Variants in TTC3 observed in about 807,000 individuals in gnomAD.
TTC3 encodes the protein tetratricopeptide repeat domain 3.
In TTC3, 180 loss-of-function variants were observed where a neutral mutation model predicts 249.6. The ratio of observed to expected loss-of-function variants is 0.72; its 90% CI spans 0.64 to 0.82. The LOEUF (loss-of-function observed/expected upper bound fraction) is 0.82. Among genes scored for constraint, TTC3 ranks in the 40% least tolerant of loss-of-function variants. The probability of loss-of-function intolerance (pLI) is 0.00; values close to 1 mark genes in which losing one functional copy is unlikely to be tolerated. For synonymous variants in TTC3, 717 were observed against 805.0 expected (o/e 0.89, Z 1.85); for missense variants, 2,061 against 2,398.4 (o/e 0.86, Z 2.94).
intron 10 of TTC3, among the ~76,000 whole-genome samples, chr21:37,100,151 G>A (rs982801380): frequency 6.6e-6 from 1 of 152,160 alleles, no homozygotes; most frequent in African/African-American, 2.4e-5. Flanking sequence ...GTTGGGAGGG[G>A]TGGTACACGG....
In TTC3 at chr21:37,197,989, C is replaced by A. The variant is rs771388886; in HGVS notation, c.5814C>A (p.Thr1938=). ...TGGTTGTTGCACCATCACCCAAAACCAAGGGGCAGAAAGCAGAAGATGTCC... is the reference window on the plus strand; with the variant it reads ...TGGTTGTTGCACCATCACCCAAAACAAAGGGGCAGAAAGCAGAAGATGTCC... Residue 1938 remains threonine, a synonymous_variant, in exon 44 of 46, where the codon ACC becomes ACA. Coordinates refer to ENST00000355666, the Ensembl canonical transcript of TTC3. 3 of 1,613,628 alleles carry A rather than the reference C, an allele frequency of 1.9e-6. No individual in the cohort carries two copies. The African/African-American group carries it at 4.0e-5, about 22-fold the overall frequency.
chr21:37,119,114 T>C (rs775893179), intron 11 of TTC3, among the ~76,000 whole-genome samples: 3 of 152,196 alleles, frequency 2.0e-5, no homozygotes, highest in Admixed American at 6.5e-5. Context: ...TTTTACCTTG[T>C]TTGGTGCTGG....
intron 18 of TTC3, among the ~76,000 whole-genome samples, chr21:37,138,103 A>G (rs1272619513): frequency 6.6e-6 from 1 of 152,240 alleles, no homozygotes; most frequent in Non-Finnish European, 1.5e-5. Flanking sequence ...ATTTGTAGCA[A>G]TAAAGTCTTA....
chr21:37,112,418 C>T (rs368177122), intron 11 of TTC3, among the ~76,000 whole-genome samples: 71 of 152,128 alleles, frequency 4.7e-4, no homozygotes, highest in African/African-American at 1.2e-3. Context: ...AACACCTCTA[C>T]GCAAATAAAC....
At chr21:37,101,019 A>G (rs1225846585) in intron 10 of TTC3, 1 of 152,196 alleles carries the variant, frequency 6.6e-6, no homozygotes, top group Admixed American at 6.5e-5. Flanking sequence ...CATTCTTGTG[A>G]GACTCGTGGA....
chr21:37,119,825 G>A (rs933889936), intron 11 of TTC3, among the ~76,000 whole-genome samples: 4 of 152,168 alleles, frequency 2.6e-5, no homozygotes, highest in Non-Finnish European at 4.4e-5. Context: ...CAGAAGTGGA[G>A]GTTAGAGTGT....
exon 20 of TTC3, chr21:37,140,567 T>G (rs2078350620): frequency 1.9e-6 from 3 of 1,582,056 alleles, no homozygotes; most frequent in Non-Finnish European, 2.6e-6. Context: ...CAAGGAATTA[T>G]CTGAAGCCGA....
At chr21:37,088,670 T>G (rs1485291338) in intron 4 of TTC3, 129 bp from the exon 5 acceptor site, 10 of 831,860 alleles carry the variant, frequency 1.2e-5, no homozygotes, top group African/African-American at 1.7e-5. Context: ...ATAGCTTAGT[T>G]ATTGTTACCT....
intron 42 of TTC3, 69 bp downstream of exon 42, chr21:37,196,105 A>C: frequency 6.4e-7 from 1 of 1,564,788 alleles, no homozygotes; most frequent in African/African-American, 1.4e-5. Context: ...ATTAGATAAA[A>C]TCATGGCTAG....
chr21:37,165,744 G>A (rs768297713), exon 33 of TTC3: 32 of 1,613,050 alleles, frequency 2.0e-5, no homozygotes, highest in South Asian at 1.4e-4. Flanking sequence ...GTTGCATCAC[G>A]GCTCAAGAAA....
At chr21:37,115,209 T>C (rs2076040954) in intron 11 of TTC3, among the ~76,000 whole-genome samples, 2 of 146,862 alleles carry the variant, frequency 1.4e-5, no homozygotes, top group African/African-American at 5.1e-5. Flanking sequence ...ATAAAGAAAC[T>C]ATTTCTATTT....
At chr21:37,133,957 A>C (rs948727385) in intron 17 of TTC3, among the ~76,000 whole-genome samples, 3 of 152,226 alleles carry the variant, frequency 2.0e-5, no homozygotes, top group African/African-American at 7.2e-5. Context: ...AAGAAAAAGA[A>C]TGAGAACAAG....
rs190734142 is a variant in TTC3, at chr21:37,122,048, G to A, written c.1063+69G>A. 5 of 1,423,744 alleles carry A rather than the reference G, an allele frequency of 3.5e-6. No homozygotes were observed. In the East Asian group the frequency reaches 1.2e-4, roughly 34 times the overall value. The allele number at this position is 1,423,744 out of a possible 1,614,324, so 88.2% of individuals were successfully genotyped here. Reference sequence around the variant, plus strand: ...TCAAACTTTGGAGGGTGGGTTTCTTGGATTAACAGAGGACCACAAATCAAT... The same window carrying A: ...TCAAACTTTGGAGGGTGGGTTTCTTAGATTAACAGAGGACCACAAATCAAT... On this transcript the variant is annotated intron_variant, in intron 12 of 45. Coordinates refer to ENST00000355666, the Ensembl canonical transcript of TTC3.
At chr21:37,141,039 G>A (rs1173914270) in intron 20 of TTC3, among the ~76,000 whole-genome samples, 1 of 152,148 alleles carries the variant, frequency 6.6e-6, no homozygotes, top group Non-Finnish European at 1.5e-5. Context: ...AAATCTGTAT[G>A]AAGATGGTTT....
At chr21:37,082,574 A>G (rs2147629905) in intron 1 of TTC3, 2 of 985,372 alleles carry the variant, frequency 2.0e-6, no homozygotes, top group Non-Finnish European at 2.4e-6. Context: ...TGATCCTATT[A>G]CTGCTCTTGG....
chr21:37,200,431 A>G (rs1602226988), intron 45 of TTC3, 107 bp downstream of exon 45: 1 of 1,254,388 alleles, frequency 8.0e-7, no homozygotes, highest in Non-Finnish European at 1.1e-6. Context: ...TGTGCTTTCA[A>G]ACTATTTTCT....
At chr21:37,109,533 C>G (rs1489563718) in intron 11 of TTC3, among the ~76,000 whole-genome samples, 1 of 152,128 alleles carries the variant, frequency 6.6e-6, no homozygotes, top group Non-Finnish European at 1.5e-5. Flanking sequence ...TGCCATTGCT[C>G]AGGCTTGAGT....
At chr21:37,165,496 A>T (rs1485645242) in intron 32 of TTC3, 54 bp from the exon 33 acceptor site, 2 of 1,363,592 alleles carry the variant, frequency 1.5e-6, no homozygotes, top group African/African-American at 2.9e-5. Context: ...TTTCAAATAG[A>T]CATATTCAAG....
At chr21:37,199,222 TG>T (rs1879961823) in intron 44 of TTC3, among the ~76,000 whole-genome samples, 1 of 152,226 alleles carries the variant, frequency 6.6e-6, no homozygotes. Context: ...TTGATCCCAC[TG>T]CCAGGGCTGC....
Sources: gnomAD v4.1 joint callset for allele counts (sites outside exome capture counted in the v4.1 genomes callset) on GRCh38, gnomAD v4.1.1 for gene constraint, MANE v1.5 for transcripts, NCBI Gene and HGNC (gene_info 2026-07-23, HGNC 2026-07-21) for gene names.